Variants in APP observed in about 807,000 individuals in gnomAD.
APP encodes amyloid-beta precursor protein.
In APP, 31 loss-of-function variants were observed where a neutral mutation model predicts 101.4. The observed-to-expected ratio is 0.31, with a 90% CI of 0.23 to 0.41. The LOEUF (loss-of-function observed/expected upper bound fraction) is 0.41. Ranked by LOEUF, APP falls within the 10% of genes least tolerant of loss-of-function variation. The pLI, the probability that APP is intolerant of heterozygous loss-of-function variation, is 1.00. For missense variants in APP, 839 were observed against 1,003.7 expected (o/e 0.84, Z 2.22); for synonymous variants, 366 against 364.4 (o/e 1.00, Z -0.05).
At chr21:25,889,744 G>C (rs2037565219) in intron 17 of APP, among the ~76,000 whole-genome samples, 1 of 152,142 alleles carries the variant, frequency 6.6e-6, no homozygotes, top group Non-Finnish European at 1.5e-5. Flanking sequence ...AGGAGGCTGA[G>C]AGTGAGGTAG....
intron 13 of APP, among the ~76,000 whole-genome samples, chr21:25,936,919 A>G (rs2040387953): frequency 6.6e-6 from 1 of 152,174 alleles, no homozygotes; most frequent in African/African-American, 2.4e-5. Context: ...ATCTGAGAGT[A>G]ACAAGGGGCT....
chr21:26,170,080 G>A (rs970869098), intron 1 of APP, among the ~76,000 whole-genome samples: 1 of 152,176 alleles, frequency 6.6e-6, no homozygotes, highest in African/African-American at 2.4e-5. Flanking sequence ...GGGGCTCCTA[G>A]CTTCCTGGGC....
chr21:25,885,008 T>C (rs1569003386), intron 17 of APP, among the ~76,000 whole-genome samples: 1 of 152,230 alleles, frequency 6.6e-6, no homozygotes, highest in Non-Finnish European at 1.5e-5. Context: ...TTGGCTTCTG[T>C]TTTGCTACTT....
chr21:26,017,964 A>C (rs1170959627), intron 6 of APP, among the ~76,000 whole-genome samples: 1 of 152,126 alleles, frequency 6.6e-6, no homozygotes, highest in Non-Finnish European at 1.5e-5. Flanking sequence ...TATTTTTTTG[A>C]GACAGGGTCC....
intron 13 of APP, among the ~76,000 whole-genome samples, chr21:25,914,433 C>G (rs571978059): frequency 6.7e-6 from 1 of 149,574 alleles, no homozygotes; most frequent in Admixed American, 6.7e-5. Context: ...CCCCGTGCCC[C>G]CGAATGGACT....
At chr21:26,105,285 G>A (rs2062156815) in intron 2 of APP, among the ~76,000 whole-genome samples, 1 of 152,074 alleles carries the variant, frequency 6.6e-6, no homozygotes, top group Non-Finnish European at 1.5e-5. Context: ...GTAATACAGG[G>A]TTTGAGATGA....
chr21:25,993,045 T>C (rs891720216), intron 8 of APP, among the ~76,000 whole-genome samples: 3 of 152,116 alleles, frequency 2.0e-5, no homozygotes, highest in Admixed American at 6.5e-5. Context: ...AGGTGGCATA[T>C]TCCATTGAAA....
intron 12 of APP, 130 bp downstream of exon 12, chr21:25,955,497 G>T: frequency 7.5e-7 from 1 of 1,330,416 alleles, no homozygotes; most frequent in Non-Finnish European, 1.1e-6. Flanking sequence ...TTTACCAGAA[G>T]TTAAAGAGCT....
At chr21:26,013,408 A>C (rs1203736767) in intron 6 of APP, among the ~76,000 whole-genome samples, 3 of 151,254 alleles carry the variant, frequency 2.0e-5, no homozygotes, top group Admixed American at 1.3e-4. Flanking sequence ...TTCTTCTTTG[A>C]GGTTTGATTT....
chr21:26,085,355 G>T (rs1428857093), intron 3 of APP, among the ~76,000 whole-genome samples: 2 of 152,028 alleles, frequency 1.3e-5, no homozygotes, highest in African/African-American at 4.8e-5. Flanking sequence ...GCAGCAGCTG[G>T]GCTCATTAAA....
intron 1 of APP, among the ~76,000 whole-genome samples, chr21:26,127,446 T>C (rs1389856588): frequency 6.6e-6 from 1 of 152,230 alleles, no homozygotes; most frequent in Non-Finnish European, 1.5e-5. Flanking sequence ...ACTAATAGGT[T>C]ACATAAATCA....
chr21:25,892,237 C>T (rs1313872718), intron 16 of APP, among the ~76,000 whole-genome samples: 1 of 152,040 alleles, frequency 6.6e-6, no homozygotes, highest in African/African-American at 2.4e-5. Flanking sequence ...GGGAAGATAG[C>T]GCTTGGATCT....
At chr21:26,147,214 C>G (rs982531606) in intron 1 of APP, among the ~76,000 whole-genome samples, 3 of 152,154 alleles carry the variant, frequency 2.0e-5, no homozygotes, top group African/African-American at 7.2e-5. Context: ...CCCCTCCCTG[C>G]AGAACTCCTT....
intron 1 of APP, among the ~76,000 whole-genome samples, chr21:26,133,664 C>T (rs1263063613): frequency 3.3e-5 from 5 of 152,088 alleles, no homozygotes; most frequent in South Asian, 4.2e-4. Context: ...CCCAGCTACT[C>T]GGGAGGCTGA....
chr21:25,950,666 G>T (rs2041036144), intron 13 of APP, among the ~76,000 whole-genome samples: 1 of 151,980 alleles, frequency 6.6e-6, no homozygotes, highest in Non-Finnish European at 1.5e-5. Context: ...TTTGTCTTTT[G>T]TTTTTAAGGG....
chr21:25,926,009 G>C (rs758821549), intron 13 of APP, among the ~76,000 whole-genome samples: 1 of 152,232 alleles, frequency 6.6e-6, no homozygotes, highest in Non-Finnish European at 1.5e-5. Context: ...AGCAAGGCAT[G>C]AGATGAGTGT....
At chr21:26,137,180 G>A (rs1332874919) in intron 1 of APP, among the ~76,000 whole-genome samples, 8 of 152,222 alleles carry the variant, frequency 5.3e-5, no homozygotes, top group Middle Eastern at 3.4e-3. Flanking sequence ...CGCCCACCTC[G>A]GCCTCCCAAA....
intron 5 of APP, among the ~76,000 whole-genome samples, chr21:26,048,563 G>GA (rs550045931): frequency 1.6e-3 from 249 of 152,014 alleles, no homozygotes; most frequent in African/African-American, 5.4e-3. Flanking sequence ...CAAAAGCTAT[G>GA]AAAAAAAATT....
chr21:26,165,731 A>C (rs959715595), intron 1 of APP, among the ~76,000 whole-genome samples: 7 of 152,192 alleles, frequency 4.6e-5, no homozygotes, highest in Non-Finnish European at 1.0e-4. Flanking sequence ...TCTCTATTGC[A>C]TGTTTCTTCA....
Sources: allele counts gnomAD v4.1 joint callset (sites outside exome capture counted in the v4.1 genomes callset), GRCh38; gene constraint gnomAD v4.1.1; transcripts MANE v1.5; gene names NCBI Gene and HGNC (gene_info 2026-07-23, HGNC 2026-07-21).